Variants in DMD observed in about 807,000 individuals in gnomAD.
The protein encoded by DMD is mutant dystrophin.
In DMD, 63 loss-of-function variants were observed where a neutral mutation model predicts 330.1. The observed-to-expected ratio is 0.19, with a 90% CI of 0.16 to 0.24. The LOEUF is 0.24. DMD is among the 10% of genes least tolerant of loss of function. The pLI, the probability that DMD is intolerant of heterozygous loss-of-function variation, is 1.00. For synonymous variants in DMD, 1,223 were observed against 959.8 expected (o/e 1.27, Z -5.07); for missense variants, 3,344 against 2,684.1 (o/e 1.25, Z -5.43).
intron 60 of DMD, among the ~76,000 whole-genome samples, chrX:31,378,153 T>G (rs1661736848): frequency 9.0e-6 from 1 of 111,670 alleles, no homozygotes; most frequent in Non-Finnish European, 1.9e-5. Context: ...TGGTGGTCTC[T>G]TCACACGGAC....
At chrX:31,611,107 A>G in intron 55 of DMD, among the ~76,000 whole-genome samples, 1 of 108,051 alleles carries the variant, frequency 9.3e-6, no homozygotes, top group Admixed American at 1.0e-4. Flanking sequence ...CAAATTTCAG[A>G]GCTGAAAGGG....
At chrX:32,199,160 T>C (rs2097020700) in intron 44 of DMD, among the ~76,000 whole-genome samples, 1 of 112,060 alleles carries the variant, frequency 8.9e-6, no homozygotes, top group Non-Finnish European at 1.9e-5. Flanking sequence ...GTAGCAAGTA[T>C]TGGCTAAAAT....
intron 43 of DMD, among the ~76,000 whole-genome samples, chrX:32,265,405 G>A (rs1327668191): frequency 1.8e-5 from 2 of 112,573 alleles, no homozygotes; most frequent in Non-Finnish European, 3.8e-5. Context: ...AGATATCCAG[G>A]CAGAAGTTTG....
At chrX:32,278,864 A>G (rs1284389340) in intron 43 of DMD, among the ~76,000 whole-genome samples, 1 of 112,169 alleles carries the variant, frequency 8.9e-6, no homozygotes, top group Non-Finnish European at 1.9e-5. Flanking sequence ...CAATCAATAA[A>G]GTGAAGAGAC....
At chrX:32,825,986 C>T (rs1203522493) in intron 4 of DMD, among the ~76,000 whole-genome samples, 1 of 110,734 alleles carries the variant, frequency 9.0e-6, no homozygotes, top group Non-Finnish European at 1.9e-5. Flanking sequence ...CTGAATTATA[C>T]ACTAAAAAAA....
intron 55 of DMD, among the ~76,000 whole-genome samples, chrX:31,624,394 G>A (rs1463136526): frequency 8.9e-6 from 1 of 111,917 alleles, no homozygotes; most frequent in Admixed American, 9.5e-5. Context: ...ATTCCATTCA[G>A]AATGTATATG....
intron 48 of DMD, among the ~76,000 whole-genome samples, chrX:31,860,919 C>A (rs1471620930): frequency 8.9e-6 from 1 of 111,999 alleles, no homozygotes; most frequent in Non-Finnish European, 1.9e-5. Context: ...GAACTTCTGT[C>A]CAGGATTGAT....
intron 30 of DMD, among the ~76,000 whole-genome samples, chrX:32,400,837 A>G (rs1434417545): frequency 9.2e-6 from 1 of 108,318 alleles, no homozygotes; most frequent in Non-Finnish European, 1.9e-5. Context: ...CTGGGTATAT[A>G]CCCAAAGGAC....
At chrX:32,037,418 A>G (rs6628672) in intron 44 of DMD, among the ~76,000 whole-genome samples, 13,522 of 111,899 alleles carry the variant, frequency 0.12, 726 homozygotes, top group East Asian at 0.26. Context: ...TGATAGACAC[A>G]GAGCATTTAT....
intron 1 of DMD, among the ~76,000 whole-genome samples, chrX:33,095,377 T>G (rs775734224): frequency 8.9e-6 from 1 of 112,440 alleles, no homozygotes; most frequent in South Asian, 3.6e-4. Context: ...GAATGTAATT[T>G]TTCATGTACA....
At chrX:32,406,716 T>A (rs2098118907) in intron 30 of DMD, among the ~76,000 whole-genome samples, 1 of 111,007 alleles carries the variant, frequency 9.0e-6, no homozygotes. Flanking sequence ...AAAATTCTCT[T>A]TTTCTGTATA....
At chrX:32,173,435 C>T (rs188993430) in intron 44 of DMD, among the ~76,000 whole-genome samples, 4 of 110,931 alleles carry the variant, frequency 3.6e-5, no homozygotes, top group East Asian at 2.8e-4. Context: ...TGCAGTGGCG[C>T]GATCTCGGCT....
chrX:32,348,763 T>C (rs1164545463), intron 37 of DMD, among the ~76,000 whole-genome samples: 2 of 111,643 alleles, frequency 1.8e-5, no homozygotes, highest in Non-Finnish European at 3.8e-5. Flanking sequence ...GTACAATTCA[T>C]CATTTGGTGA....
At chrX:31,637,934 T>C (rs2079509559) in intron 54 of DMD, among the ~76,000 whole-genome samples, 1 of 111,716 alleles carries the variant, frequency 9.0e-6, no homozygotes. Flanking sequence ...TGTACAGATA[T>C]TCAATCTTTG....
intron 49 of DMD, among the ~76,000 whole-genome samples, chrX:31,827,376 A>G (rs2092916096): frequency 8.9e-6 from 1 of 112,221 alleles, no homozygotes; most frequent in Non-Finnish European, 1.9e-5. Context: ...GATATTTACT[A>G]CAGTACTCAA....
intron 1 of DMD, among the ~76,000 whole-genome samples, chrX:33,271,623 C>T (rs952425886): frequency 4.6e-5 from 5 of 107,934 alleles, no homozygotes; most frequent in Middle Eastern, 9.5e-3. Context: ...AAAAATTAGC[C>T]GGGTGTGTGG....
chrX:32,397,561 C>G (rs2098054011), intron 30 of DMD, among the ~76,000 whole-genome samples: 1 of 111,865 alleles, frequency 8.9e-6, no homozygotes, highest in Admixed American at 9.5e-5. Flanking sequence ...GGCATTTGAG[C>G]ATGCAGTAAC....
chrX:31,437,008 C>T (rs986158178), intron 60 of DMD, among the ~76,000 whole-genome samples: 5 of 111,712 alleles, frequency 4.5e-5, no homozygotes, highest in African/African-American at 1.6e-4. Flanking sequence ...GAAATATTTA[C>T]ATAAGAGCAA....
chrX:32,572,550 GT>G (rs34204984), intron 15 of DMD, among the ~76,000 whole-genome samples: 34,142 of 96,592 alleles, frequency 0.35, 5,169 homozygotes, highest in Middle Eastern at 0.47. Flanking sequence ...AAACTTTAGA[GT>G]TTTTTTTTTT....
Sources: allele counts gnomAD v4.1 joint callset (sites outside exome capture counted in the v4.1 genomes callset), GRCh38; gene constraint gnomAD v4.1.1; transcripts MANE v1.5; gene names NCBI Gene and HGNC (gene_info 2026-07-23, HGNC 2026-07-21).